Variants in ERC1 observed in about 807,000 individuals in gnomAD.
ERC1 encodes RAB6 interacting protein 2.
Under a neutral mutation model 132.0 loss-of-function variants are expected in ERC1, and 56 were observed. The observed-to-expected ratio is 0.42, with a 90% CI of 0.34 to 0.53. The LOEUF is 0.53. Among genes scored for constraint, ERC1 ranks in the 20% least tolerant of loss-of-function variants. The pLI, the probability that ERC1 is intolerant of heterozygous loss-of-function variation, is 0.03. For synonymous variants in ERC1, 478 were observed against 476.1 expected, an observed-to-expected ratio of 1.00 and a Z score of -0.05; for missense variants, 1,202 against 1,349.9, an observed-to-expected ratio of 0.89 and a Z score of 1.72.
chr12:994,322 T>G (rs925099792), intron 1 of ERC1, among the ~76,000 whole-genome samples: 2 of 151,058 alleles, frequency 1.3e-5, no homozygotes, highest in Admixed American at 6.6e-5. Context: ...ATATAATTTG[T>G]TTTTTTTTCT....
At chr12:1,356,269 A>G (rs2085531555) in intron 15 of ERC1, among the ~76,000 whole-genome samples, 1 of 148,986 alleles carries the variant, frequency 6.7e-6, no homozygotes, top group Middle Eastern at 3.2e-3. Flanking sequence ...TATTCCGTTG[A>G]GGAAGAAGAG....
intron 1 of ERC1, among the ~76,000 whole-genome samples, chr12:1,011,766 G>C (rs753548045): frequency 6.6e-6 from 1 of 152,094 alleles, no homozygotes; most frequent in Non-Finnish European, 1.5e-5. Context: ...AGCTAACATG[G>C]TGAAACCCTG....
intron 7 of ERC1, among the ~76,000 whole-genome samples, chr12:1,120,606 C>T (rs1472743281): frequency 3.3e-5 from 5 of 152,096 alleles, no homozygotes; most frequent in Non-Finnish European, 5.9e-5. Context: ...TAGGGACCTA[C>T]CATTAAATGT....
At chr12:1,281,583 T>G (rs931552695) in intron 14 of ERC1, among the ~76,000 whole-genome samples, 2 of 152,230 alleles carry the variant, frequency 1.3e-5, no homozygotes, top group African/African-American at 2.4e-5. Context: ...TCCTCCCTTC[T>G]TCCAGGAGCT....
intron 7 of ERC1, among the ~76,000 whole-genome samples, chr12:1,132,076 C>T (rs1948817430): frequency 6.6e-6 from 1 of 152,100 alleles, no homozygotes; most frequent in Non-Finnish European, 1.5e-5. Context: ...ATGGACCTCA[C>T]GCAAAATTAT....
intron 11 of ERC1, among the ~76,000 whole-genome samples, chr12:1,185,670 T>C (rs919459798): frequency 6.6e-6 from 1 of 151,906 alleles, no homozygotes. Context: ...TATCACCCTA[T>C]AGATAAATGA....
chr12:1,491,313 AC>A lies in ERC1; in HGVS notation c.*1085del, dbSNP rs2094316540. 1.3e-5 allele frequency: 3 copies of A among 231,108 alleles called. No homozygotes were observed. Among genetic ancestry groups the A allele is most frequent in the Non-Finnish European group, 8.6e-6 (1 of 116,828 alleles). The allele number at this position is 231,108 out of a possible 1,614,324, so 14.3% of individuals were successfully genotyped here. A position where few individuals can be genotyped will look rare whatever the true frequency, so the allele number is the denominator to read the frequency against. ...TTTGCCCTTGACTCGTCTTCTCTGA[AC>A]CTCAGCCTCGTGCATTGCCTGGAAC... On this transcript the variant is annotated 3_prime_UTR_variant, in exon 19 of 19. Transcript: ENST00000360905.
rs542482351 is a variant in ERC1, at chr12:1,112,668, A to G, written c.1401+370A>G. 3.9e-5 allele frequency among the ~76,000 whole-genome samples: 6 copies of G among 152,344 alleles called. No homozygotes were observed. In the South Asian group the frequency reaches 6.2e-4, roughly 16 times the overall value. Reference sequence around the variant, plus strand: ...GAATATATGCAGTTGTTCTAGGCCTATCACCTAGAGTTTATTTGAATTTGA... The same window carrying G: ...GAATATATGCAGTTGTTCTAGGCCTGTCACCTAGAGTTTATTTGAATTTGA... On this transcript the variant is annotated intron_variant, in intron 6 of 18. Coordinates refer to ENST00000360905, the MANE Select transcript of ERC1 (RefSeq NM_178040.4).
intron 17 of ERC1, among the ~76,000 whole-genome samples, chr12:1,415,315 T>A (rs970257262): frequency 6.6e-6 from 1 of 152,214 alleles, no homozygotes; most frequent in African/African-American, 2.4e-5. Flanking sequence ...AAGTTGGTCT[T>A]GGTATAAGAA....
At chr12:1,260,613 G>A (rs1459474513) in intron 13 of ERC1, among the ~76,000 whole-genome samples, 1 of 152,268 alleles carries the variant, frequency 6.6e-6, no homozygotes, top group South Asian at 2.1e-4. Context: ...AAACTTCTTG[G>A]TTTATTTTAG....
At chr12:1,193,234 G>C (rs182588365) in intron 12 of ERC1, among the ~76,000 whole-genome samples, 2 of 152,210 alleles carry the variant, frequency 1.3e-5, no homozygotes, top group Admixed American at 1.3e-4. Flanking sequence ...AAGAGTTCTT[G>C]TCAGAAGATG....
intron 14 of ERC1, among the ~76,000 whole-genome samples, chr12:1,284,548 T>C (rs1682020068): frequency 6.6e-6 from 1 of 152,212 alleles, no homozygotes; most frequent in Non-Finnish European, 1.5e-5. Context: ...TAATTTACAT[T>C]CTCACTAACA....
At chr12:1,309,992 G>C (rs995244647) in intron 15 of ERC1, among the ~76,000 whole-genome samples, 3 of 151,744 alleles carry the variant, frequency 2.0e-5, no homozygotes, top group Non-Finnish European at 2.9e-5. Context: ...CTGTCGCCCA[G>C]GCTGGAATGC....
chr12:1,095,542 C>T (rs897226362), intron 3 of ERC1, among the ~76,000 whole-genome samples: 4 of 151,840 alleles, frequency 2.6e-5, no homozygotes, highest in African/African-American at 9.7e-5. Context: ...ATTAAATGGA[C>T]TAAGACAAAA....
intron 12 of ERC1, among the ~76,000 whole-genome samples, chr12:1,226,455 C>G (rs765584732): frequency 2.0e-5 from 3 of 152,186 alleles, no homozygotes; most frequent in Non-Finnish European, 2.9e-5. Flanking sequence ...CTGCTCTTAG[C>G]AAATTTCAAG....
intron 8 of ERC1, among the ~76,000 whole-genome samples, chr12:1,171,287 A>C (rs896189679): frequency 1.3e-5 from 2 of 151,766 alleles, no homozygotes. Flanking sequence ...TCAGTCTTGC[A>C]GCTTCTCATC....
chr12:1,408,031 T>G (rs1194325258), intron 16 of ERC1, 118 bp from the exon 17 acceptor site: 2 of 670,448 alleles, frequency 3.0e-6, no homozygotes, highest in Non-Finnish European at 5.1e-6. Flanking sequence ...TTTAGTTTAT[T>G]TTATTGCAGA....
chr12:1,357,979 T>C (rs539559266), intron 15 of ERC1, among the ~76,000 whole-genome samples: 109 of 152,246 alleles, frequency 7.2e-4, no homozygotes, highest in African/African-American at 2.5e-3. Flanking sequence ...TAAAGGCAGA[T>C]ATGTAGAAAG....
intron 2 of ERC1, among the ~76,000 whole-genome samples, chr12:1,043,087 A>C (rs2154161510): frequency 7.0e-6 from 1 of 142,860 alleles, no homozygotes; most frequent in South Asian, 2.2e-4. Flanking sequence ...TCTCTCGCCC[A>C]GGCTGGAGTG....
Sources: gnomAD v4.1 joint callset for allele counts (sites outside exome capture counted in the v4.1 genomes callset) on GRCh38, gnomAD v4.1.1 for gene constraint, MANE v1.5 for transcripts, NCBI Gene and HGNC (gene_info 2026-07-23, HGNC 2026-07-21) for gene names.